VSNL1: variants seen among roughly 807,000 people sequenced by gnomAD.
VSNL1 encodes visinin like 1.
VSNL1 carries 6 observed loss-of-function variants against 20.4 expected under a neutral mutation model. The observed-to-expected ratio is 0.29, with a 90% CI of 0.16 to 0.58. The LOEUF (loss-of-function observed/expected upper bound fraction) is 0.58. VSNL1 is among the 20% of genes least tolerant of loss of function. The probability of loss-of-function intolerance (pLI) is 0.90; values close to 1 mark genes in which losing one functional copy is unlikely to be tolerated. For missense variants in VSNL1, 100 were observed against 234.5 expected (o/e 0.43, Z 3.75); for synonymous variants, 93 against 86.4 (o/e 1.08, Z -0.42).
At chr2:17,545,048 T>A (rs1663376590) in intron 1 of VSNL1, among the ~76,000 whole-genome samples, 1 of 152,142 alleles carries the variant, frequency 6.6e-6, no homozygotes, top group South Asian at 2.1e-4. Flanking sequence ...GAATTCGTTG[T>A]CTGGAAAAGC....
At chr2:17,652,863 C>T (rs1055351187) in intron 3 of VSNL1, among the ~76,000 whole-genome samples, 2 of 152,184 alleles carry the variant, frequency 1.3e-5, no homozygotes, top group East Asian at 3.9e-4. Context: ...TCACCTTCCT[C>T]CTCCAATTGT....
chr2:17,631,292 A>G (rs1472153116), intron 2 of VSNL1, among the ~76,000 whole-genome samples: 1 of 152,208 alleles, frequency 6.6e-6, no homozygotes, highest in African/African-American at 2.4e-5. Flanking sequence ...CCATTTAGGA[A>G]AATTCTGATG....
At chr2:17,577,184 A>T (rs1455237036) in intron 1 of VSNL1, among the ~76,000 whole-genome samples, 1 of 152,248 alleles carries the variant, frequency 6.6e-6, no homozygotes, top group Non-Finnish European at 1.5e-5. Context: ...CATCATATAT[A>T]TAGTCCATTG....
At chr2:17,568,523 G>A (rs1286927706) in intron 1 of VSNL1, among the ~76,000 whole-genome samples, 1 of 152,122 alleles carries the variant, frequency 6.6e-6, no homozygotes, top group Non-Finnish European at 1.5e-5. Context: ...ATCTTTAGTT[G>A]TCTTTAAACA....
chr2:17,647,788 C>T lies in VSNL1; in HGVS notation c.163-1622C>T, dbSNP rs558287975. Among the ~76,000 whole-genome samples the T allele has an allele frequency of 1.1e-4, 16 of 152,222 alleles. No individual in the cohort carries two copies. The South Asian group carries it at 3.3e-3, about 32-fold the overall frequency. ...ACCAAGTCAATTTTGAGTAAAGTCCCCCCATTAACTGTGCAGTCTCGGAAC... is the reference window on the plus strand; with the variant it reads ...ACCAAGTCAATTTTGAGTAAAGTCCTCCCATTAACTGTGCAGTCTCGGAAC... On this transcript the variant is annotated intron_variant, in intron 2 of 3. Transcript: ENST00000295156.
chr2:17,631,050 G>C (rs1221405644), intron 2 of VSNL1, among the ~76,000 whole-genome samples: 2 of 152,196 alleles, frequency 1.3e-5, no homozygotes, highest in Non-Finnish European at 2.9e-5. Flanking sequence ...AAAGTGCTGG[G>C]ATTACAGGCG....
At chr2:17,547,575 T>C (rs1428302972) in intron 1 of VSNL1, among the ~76,000 whole-genome samples, 1 of 152,096 alleles carries the variant, frequency 6.6e-6, no homozygotes, top group Non-Finnish European at 1.5e-5. Flanking sequence ...TTATGCCTAA[T>C]GGAGAAGACA....
rs1050159187 is a variant in VSNL1, at chr2:17,540,824, C to G, written c.-100C>G. The G allele has an allele frequency of 6.6e-6, 1 of 152,650 alleles. No individual in the cohort carries two copies. Among genetic ancestry groups the G allele is most frequent in the African/African-American group, 2.4e-5 (1 of 41,458 alleles). 9.5% of individuals were successfully genotyped at this position (152,650 alleles called of 1,614,324 possible). A position where few individuals can be genotyped will look rare whatever the true frequency, so the allele number is the denominator to read the frequency against. On this transcript the variant is annotated 5_prime_UTR_variant, in exon 1 of 4. Coordinates refer to ENST00000295156, the MANE Select transcript of VSNL1 (RefSeq NM_003385.5). ...AGCGAGAGAGAACCACACACAGAGA[C>G]GGCTTAAGCGTTTACCCGAATTAAA...
At chr2:17,585,267 C>T (rs770174725) in intron 1 of VSNL1, among the ~76,000 whole-genome samples, 2 of 151,992 alleles carry the variant, frequency 1.3e-5, no homozygotes, top group Non-Finnish European at 1.5e-5. Context: ...GCTTGTGGTC[C>T]ACACCCTCCC....
chr2:17,655,133 C>T lies in VSNL1; in HGVS notation c.379-64C>T. ...GGGATCCCGTCAGGTGAAAGGGAGG[C>T]AAGAAGAGCTCTCTGTCCTCCTGGG... On this transcript the variant is annotated intron_variant, in intron 3 of 3. Transcript: ENST00000295156. This position sits in a 1 kb window ranked among gnomAD's most constrained non-coding sequence, Gnocchi z 5.2. The T allele has an allele frequency of 1.3e-6, 2 of 1,537,916 alleles. No individual in the cohort carries two copies. The highest frequency in any genetic ancestry group is 1.8e-6 in the Non-Finnish European group (2 of 1,120,802).
intron 1 of VSNL1, among the ~76,000 whole-genome samples, chr2:17,589,699 A>G (rs909695807): frequency 3.3e-5 from 5 of 152,226 alleles, no homozygotes; most frequent in Non-Finnish European, 4.4e-5. Flanking sequence ...TCCAAAGTCA[A>G]CTGGAACAGT....
intron 1 of VSNL1, among the ~76,000 whole-genome samples, chr2:17,591,144 T>C (rs1664585403): frequency 6.6e-6 from 1 of 152,172 alleles, no homozygotes; most frequent in South Asian, 2.1e-4. Flanking sequence ...ACAATGAATC[T>C]GAAAGAGCTT....
chr2:17,633,382 G>C (rs574409651), intron 2 of VSNL1, among the ~76,000 whole-genome samples: 3 of 151,100 alleles, frequency 2.0e-5, no homozygotes, highest in South Asian at 4.2e-4. Flanking sequence ...AGCTGGGCAT[G>C]GTGGTGAGTG....
At chr2:17,542,231 G>A (rs1351306106) in intron 1 of VSNL1, among the ~76,000 whole-genome samples, 1 of 152,068 alleles carries the variant, frequency 6.6e-6, no homozygotes, top group East Asian at 1.9e-4. Context: ...GGGGGGAGTA[G>A]GGGGTGATCC....
At chr2:17,629,435 C>T (rs1665583057) in intron 2 of VSNL1, among the ~76,000 whole-genome samples, 2 of 152,190 alleles carry the variant, frequency 1.3e-5, no homozygotes, top group Admixed American at 6.5e-5. Flanking sequence ...TCTTTCCTGC[C>T]ACCCCTACTG....
Position 17,656,022 on chromosome 2 carries a change from TA to T in VSNL1, c.*631del, listed in dbSNP as rs1351689951. 6.5e-6 allele frequency: 1 copy of T among 152,710 alleles called. No individual in the cohort carries two copies. The highest frequency in any genetic ancestry group is 6.5e-5 in the Admixed American group (1 of 15,290). 9.5% of individuals were successfully genotyped at this position (152,710 alleles called of 1,614,324 possible). A position where few individuals can be genotyped will look rare whatever the true frequency, so the allele number is the denominator to read the frequency against. ...GCAGTATAAAATGTAAAAACCCTGC[TA>T]AATGACTTATTGATTAAGTATATCT... is the stretch of plus-strand genomic sequence containing the variant. On this transcript the variant is annotated 3_prime_UTR_variant, in exon 4 of 4. Coordinates refer to ENST00000295156, the MANE Select transcript of VSNL1 (RefSeq NM_003385.5).
At chr2:17,551,939 C>G (rs547205391) in intron 1 of VSNL1, among the ~76,000 whole-genome samples, 74 of 150,456 alleles carry the variant, frequency 4.9e-4, no homozygotes, top group Admixed American at 4.9e-3. Context: ...TGGCTCACCC[C>G]TGTAATCCCA....
At chr2:17,557,381 T>A (rs567996142) in intron 1 of VSNL1, among the ~76,000 whole-genome samples, 1 of 152,334 alleles carries the variant, frequency 6.6e-6, no homozygotes, top group East Asian at 1.9e-4. Context: ...CTAAGTGAAC[T>A]AAAACAACCA....
At position 17,635,002 on chromosome 2, in the gene VSNL1, C is replaced by T. The variant is rs987355144; in HGVS notation, c.163-14408C>T. ...TGCACATACATACATACACACTTGG[C>T]TCAGGGCACATGAGGGTTTGTTTTT... On this transcript the variant is annotated intron_variant, in intron 2 of 3. Coordinates refer to ENST00000295156, the MANE Select transcript of VSNL1 (RefSeq NM_003385.5). Among the ~76,000 whole-genome samples the T allele has an allele frequency of 9.2e-5, 14 of 152,158 alleles. 1 individual carries two copies. Among genetic ancestry groups the T allele is most frequent in the African/African-American group, 3.4e-4 (14 of 41,430 alleles).
Sources: allele counts gnomAD v4.1 joint callset (sites outside exome capture counted in the v4.1 genomes callset), GRCh38; gene constraint gnomAD v4.1.1; non-coding constraint Gnocchi (gnomAD v3.1); transcripts MANE v1.5; gene names NCBI Gene and HGNC (gene_info 2026-07-23, HGNC 2026-07-21).